Variants in CASZ1 observed in about 807,000 individuals in gnomAD.
The protein encoded by CASZ1 is castor zinc finger 1.
CASZ1 carries 28 observed loss-of-function variants against 135.2 expected under a neutral mutation model. That is an observed-to-expected ratio of 0.21 (90% CI 0.15 to 0.28). CASZ1 has a LOEUF of 0.28. CASZ1 is among the 10% of genes least tolerant of loss of function. The probability of loss-of-function intolerance (pLI) is 1.00; values close to 1 mark genes in which losing one functional copy is unlikely to be tolerated. For missense variants in CASZ1, 2,161 were observed against 2,453.3 expected, an observed-to-expected ratio of 0.88 and a Z score of 2.52; for synonymous variants, 1,068 against 1,073.4, an observed-to-expected ratio of 0.99 and a Z score of 0.10.
At chr1:10,664,073 C>T (rs1026459236) in intron 5 of CASZ1, among the ~76,000 whole-genome samples, 17 of 152,242 alleles carry the variant, frequency 1.1e-4, no homozygotes, top group African/African-American at 3.1e-4. Context: ...TCATTGATCT[C>T]GCAATGTTTG....
At chr1:10,723,416 C>T (rs1002902122) in intron 2 of CASZ1, among the ~76,000 whole-genome samples, 1 of 152,190 alleles carries the variant, frequency 6.6e-6, no homozygotes. Flanking sequence ...AAAACCAACC[C>T]ATCTGTGCAT....
At chr1:10,704,740 C>T (rs903614969) in intron 3 of CASZ1, among the ~76,000 whole-genome samples, 1 of 152,250 alleles carries the variant, frequency 6.6e-6, no homozygotes, top group African/African-American at 2.4e-5. Context: ...GCTCGCCCGC[C>T]GGGCAGGCCC....
rs905438811 is a variant in CASZ1, at chr1:10,647,992, C to G, written c.3306G>C (p.Gly1102=). ...VTTATVSSLE[G]PAPSPASVPS... ...GCACGGAGGCCGGGCTGGGAGCGGGCCCCTCCAGAGAGGACACCGTGGCCG... is the reference window on the plus strand; with the variant it reads ...GCACGGAGGCCGGGCTGGGAGCGGGGCCCTCCAGAGAGGACACCGTGGCCG... Residue 1102 remains glycine, a synonymous_variant, in exon 16 of 21, where the codon GGG becomes GGC. Transcript: ENST00000377022. The surrounding 1 kb of genome is among the most constrained non-coding windows in gnomAD (Gnocchi z 4.9). 1.2e-6 allele frequency: 2 copies of G among 1,604,040 alleles called. No homozygotes were observed. Among genetic ancestry groups the G allele is most frequent in the Non-Finnish European group, 1.7e-6 (2 of 1,174,936 alleles).
At position 10,706,162 on chromosome 1, in the gene CASZ1, G is replaced by C. The variant is rs999234135; in HGVS notation, c.-76-618C>G. Reference sequence around the variant, plus strand: ...CTACCCATGAGTCATCACAGCCCATGTCCAGAGACCGTGCAGGGAGAGGGA... The same window carrying C: ...CTACCCATGAGTCATCACAGCCCATCTCCAGAGACCGTGCAGGGAGAGGGA... On this transcript the variant is annotated intron_variant, in intron 2 of 20. Transcript: ENST00000377022. The surrounding 1 kb of genome is among the most constrained non-coding windows in gnomAD (Gnocchi z 4.3). 3.3e-5 allele frequency among the ~76,000 whole-genome samples: 5 copies of C among 152,236 alleles called. No individual in the cohort carries two copies. Among genetic ancestry groups the C allele is most frequent in the African/African-American group, 1.2e-4 (5 of 41,468 alleles).
Position 10,794,196 on chromosome 1 carries a change from T to C in CASZ1, c.-234+2368A>G, listed in dbSNP as rs1236800672. Among the ~76,000 whole-genome samples, 1 of 150,530 alleles carries C rather than the reference T, an allele frequency of 6.6e-6. No individual in the cohort carries two copies. Among genetic ancestry groups the C allele is most frequent in the Non-Finnish European group, 1.5e-5 (1 of 67,876 alleles). ...GTATGCGTGTGTGTGTGTGTGTGTG[T>C]GTGCGCGCGCGCGCGCGTCGTGGGT... is the stretch of plus-strand genomic sequence containing the variant. On this transcript the variant is annotated intron_variant, in intron 1 of 20. Coordinates refer to ENST00000377022, the MANE Select transcript of CASZ1 (RefSeq NM_001079843.3). This position sits in a 1 kb window ranked among gnomAD's most constrained non-coding sequence, Gnocchi z 5.6.
Position 10,648,882 on chromosome 1 carries a change from C to G in CASZ1, c.3158+188G>C, listed in dbSNP as rs541951591. 1.5e-5 allele frequency: 11 copies of G among 746,260 alleles called. No homozygotes were observed. The South Asian group carries it at 2.0e-4, about 14-fold the overall frequency. 46.2% of individuals were successfully genotyped at this position (746,260 alleles called of 1,614,324 possible). On this transcript the variant is annotated intron_variant, in intron 15 of 20. Transcript: ENST00000377022. The stretch of plus-strand genomic sequence containing the variant: ...AAGGGCCTGGACAGGGGCTCAGAGC[C>G]CCCGGCTGAGGGCTGCATGTGTGAA...
Position 10,759,844 on chromosome 1 carries a change from G to A in CASZ1, c.-77+857C>T, listed in dbSNP as rs1018497019. Reference sequence around the variant, plus strand: ...CCCTGCCCTCCCCAGACATCCTCTAGGCCCTCAGCCTCTGCTTCCACCCCT... The same window carrying A: ...CCCTGCCCTCCCCAGACATCCTCTAAGCCCTCAGCCTCTGCTTCCACCCCT... On this transcript the variant is annotated intron_variant, in intron 2 of 20. Transcript: ENST00000377022. The surrounding 1 kb of genome is among the most constrained non-coding windows in gnomAD (Gnocchi z 4.2). Among the ~76,000 whole-genome samples the A allele has an allele frequency of 6.6e-5, 10 of 152,116 alleles. No homozygotes were observed. Among genetic ancestry groups the A allele is most frequent in the Middle Eastern group, 3.2e-3 (1 of 316 alleles).
intron 1 of CASZ1, among the ~76,000 whole-genome samples, chr1:10,765,195 G>A (rs1403156952): frequency 6.6e-6 from 1 of 152,032 alleles, no homozygotes; most frequent in Non-Finnish European, 1.5e-5. Context: ...ACGGGGAGGC[G>A]CCTATCATCT....
chr1:10,733,385 C>T (rs544792356), intron 2 of CASZ1, among the ~76,000 whole-genome samples: 13 of 152,144 alleles, frequency 8.5e-5, no homozygotes, highest in Non-Finnish European at 1.8e-4. Context: ...CCCTGACACT[C>T]GCCACTGCCG....
rs1638951631 is a variant in CASZ1 at position 10,697,170 on chromosome 1, A to G, written c.-23-3258T>C. ...CGCAAGGATTTATGAAGGTCAGAGAAGGCGGCGGAGGCTTCGAGGTTGTGG... is the reference window on the plus strand; with the variant it reads ...CGCAAGGATTTATGAAGGTCAGAGAGGGCGGCGGAGGCTTCGAGGTTGTGG... On this transcript the variant is annotated intron_variant, in intron 3 of 20. Transcript: ENST00000377022. The surrounding 1 kb of genome is among the most constrained non-coding windows in gnomAD (Gnocchi z 4.7). Among the ~76,000 whole-genome samples the G allele has an allele frequency of 6.6e-6, 1 of 152,198 alleles. No homozygotes were observed. Among genetic ancestry groups the G allele is most frequent in the Non-Finnish European group, 1.5e-5 (1 of 68,024 alleles).
rs755222738 is a variant in CASZ1, at chr1:10,646,153, G to A, written c.3671C>T (p.Ser1224Phe). The change falls in exon 17 of 21, where the codon TCT (serine) becomes TTT (phenylalanine). Residue 1224 changes from serine (S) to phenylalanine (F), a missense_variant. Physicochemically the swap from Ser to Phe is radical, Grantham distance 155 (BLOSUM62 -2). Around this residue, in one of 7 missense-constraint regions of CASZ1, gnomAD observed 349 missense variants for 460.8 expected, o/e 0.76. Coordinates refer to ENST00000377022, the MANE Select transcript of CASZ1 (RefSeq NM_001079843.3). The surrounding 1 kb of genome is among the most constrained non-coding windows in gnomAD (Gnocchi z 6.4). ...CTGGTTGGGACAGAGACACTGCAGA[G>A]AGTAGTATGCAAACTGGTCTCGCAC... The part of the protein sequence containing the change: ...VNVRDQFAYY[S>F]LQCLCPNQHC... The A allele has an allele frequency of 1.2e-6, 2 of 1,614,168 alleles. No individual in the cohort carries two copies. Among genetic ancestry groups the A allele is most frequent in the Non-Finnish European group, 1.7e-6 (2 of 1,180,034 alleles).
At chr1:10,696,407 G>C (rs1638935869) in intron 3 of CASZ1, among the ~76,000 whole-genome samples, 1 of 152,252 alleles carries the variant, frequency 6.6e-6, no homozygotes. Flanking sequence ...ACTACCCCAA[G>C]TCTAAGCCTG....
intron 2 of CASZ1, among the ~76,000 whole-genome samples, chr1:10,732,863 A>G (rs1284565511): frequency 6.6e-6 from 1 of 152,178 alleles, no homozygotes; most frequent in Non-Finnish European, 1.5e-5. Flanking sequence ...TTAGAGCCGA[A>G]CAGGGAGTCT....
chr1:10,696,840 G>C (rs1638944434), intron 3 of CASZ1, among the ~76,000 whole-genome samples: 1 of 152,260 alleles, frequency 6.6e-6, no homozygotes, highest in South Asian at 2.1e-4. Flanking sequence ...TGAGGAAGGT[G>C]TGGAGGGGAA....
chr1:10,750,086 G>T (rs1156494207), intron 2 of CASZ1, among the ~76,000 whole-genome samples: 1 of 152,092 alleles, frequency 6.6e-6, no homozygotes, highest in East Asian at 1.9e-4. Context: ...GCAGGGGCCC[G>T]GGGGCAGGGA....
intron 2 of CASZ1, among the ~76,000 whole-genome samples, chr1:10,708,294 C>A (rs1639216455): frequency 1.3e-5 from 2 of 152,202 alleles, no homozygotes; most frequent in South Asian, 4.1e-4. Flanking sequence ...ATCAGGCTGC[C>A]CATCCCACCA....
intron 8 of CASZ1, 79 bp from the exon 9 acceptor site, chr1:10,655,892 G>T: frequency 1.4e-6 from 2 of 1,450,562 alleles, no homozygotes; most frequent in Non-Finnish European, 1.9e-6. Context: ...GAGCACCTGG[G>T]CCAGGTGCTG....
chr1:10,767,199 C>T lies in CASZ1; in HGVS notation c.-233-6342G>A, dbSNP rs879652490. ...GAGTGGGGAAAAGATGGGGCCCGGT[C>T]GTCCACATTCCTCATGAGTTCCTGC... On this transcript the variant is annotated intron_variant, in intron 1 of 20. Coordinates refer to ENST00000377022, the MANE Select transcript of CASZ1 (RefSeq NM_001079843.3). The surrounding 1 kb of genome is among the most constrained non-coding windows in gnomAD (Gnocchi z 4.2). Among the ~76,000 whole-genome samples, 14 of 152,322 alleles carry T rather than the reference C, an allele frequency of 9.2e-5. No homozygotes were observed. The highest frequency in any genetic ancestry group is 1.9e-4 in the East Asian group (1 of 5,190).
intron 6 of CASZ1, among the ~76,000 whole-genome samples, chr1:10,659,393 CGT>C (rs1557477480): frequency 6.6e-6 from 1 of 151,938 alleles, no homozygotes; most frequent in Non-Finnish European, 1.5e-5. Flanking sequence ...GGAGTGTGGG[CGT>C]GTGTGGGTGG....
Sources: gnomAD v4.1 joint callset for allele counts (sites outside exome capture counted in the v4.1 genomes callset) on GRCh38, gnomAD v4.1.1 for gene constraint, gnomAD v4.1.1 regional missense constraint, Gnocchi (gnomAD v3.1) non-coding constraint, MANE v1.5 for transcripts, NCBI Gene and HGNC (gene_info 2026-07-23, HGNC 2026-07-21) for gene names.